Variants in PREX1 observed in about 807,000 individuals in gnomAD.
PREX1 encodes phosphatidylinositol-3,4,5-trisphosphate dependent Rac exchange factor 1.
PREX1 carries 41 observed loss-of-function variants against 198.3 expected under a neutral mutation model. The ratio of observed to expected loss-of-function variants is 0.21; its 90% CI spans 0.16 to 0.27. The LOEUF (loss-of-function observed/expected upper bound fraction) is 0.27. PREX1 is among the 10% of genes least tolerant of loss of function. PREX1 has a pLI of 1.00. For synonymous variants in PREX1, 843 were observed against 887.2 expected, an observed-to-expected ratio of 0.95 and a Z score of 0.89; for missense variants, 1,620 against 2,200.7, an observed-to-expected ratio of 0.74 and a Z score of 5.28.
In PREX1 at chr20:48,734,479, T is replaced by C. The variant is rs2090048218; in HGVS notation, c.519+67A>G. ...CACCATGGGGCAGCATGAAGTCCTC[T>C]TGTGCCCAGATTCCACAAGGATGAG... On this transcript the variant is annotated intron_variant, in intron 4 of 39. Coordinates refer to ENST00000371941, the MANE Select transcript of PREX1 (RefSeq NM_020820.4). 1.0e-5 allele frequency: 14 copies of C among 1,383,690 alleles called. 1 individual carries two copies. In the Admixed American group the frequency reaches 2.4e-4, roughly 23 times the overall value. 85.7% of individuals were successfully genotyped at this position (1,383,690 alleles called of 1,614,324 possible). A position where few individuals can be genotyped will look rare whatever the true frequency, so the allele number is the denominator to read the frequency against.
chr20:48,673,170 G>A (rs2089687284), intron 14 of PREX1, among the ~76,000 whole-genome samples: 1 of 152,168 alleles, frequency 6.6e-6, no homozygotes, highest in Non-Finnish European at 1.5e-5. Context: ...TGTGTGTAAA[G>A]CCCACCCTCT....
chr20:48,819,484 C>T (rs1440805231), intron 1 of PREX1, among the ~76,000 whole-genome samples: 2 of 152,250 alleles, frequency 1.3e-5, no homozygotes, highest in Non-Finnish European at 2.9e-5. Context: ...GCGACCATCC[C>T]TGTCACAAAC....
chr20:48,738,268 A>G (rs2090065629), intron 3 of PREX1, among the ~76,000 whole-genome samples: 3 of 152,208 alleles, frequency 2.0e-5, no homozygotes, highest in Admixed American at 2.0e-4. Context: ...AATGTCTGCC[A>G]CAGGTGCAGG....
intron 10 of PREX1, among the ~76,000 whole-genome samples, chr20:48,687,876 T>C (rs894667249): frequency 6.6e-6 from 1 of 152,170 alleles, no homozygotes; most frequent in African/African-American, 2.4e-5. Context: ...TGGGGCTGTA[T>C]TTCCCAAACA....
At chr20:48,759,721 A>T (rs994374255) in intron 1 of PREX1, among the ~76,000 whole-genome samples, 1 of 152,128 alleles carries the variant, frequency 6.6e-6, no homozygotes, top group Admixed American at 6.5e-5. Flanking sequence ...ATGAGTACAC[A>T]GGATTACAAT....
At chr20:48,847,407 T>C in the PREX1 span, among the ~76,000 whole-genome samples, 3 of 124,472 alleles carry the variant, frequency 2.4e-5, no homozygotes, top group Non-Finnish European at 5.2e-5. Context: ...AAATGACTAA[T>C]AAATAAAAGA....
At chr20:48,722,127 C>A (rs941536570) in intron 5 of PREX1, among the ~76,000 whole-genome samples, 1 of 152,160 alleles carries the variant, frequency 6.6e-6, no homozygotes, top group Non-Finnish European at 1.5e-5. Flanking sequence ...AGTTTAAGGC[C>A]ATGGGAATGT....
At chr20:48,764,132 A>G (rs1485441458) in intron 1 of PREX1, among the ~76,000 whole-genome samples, 1 of 152,138 alleles carries the variant, frequency 6.6e-6, no homozygotes, top group African/African-American at 2.4e-5. Context: ...ATGGGGCCAC[A>G]TCATTAAAGT....
intron 22 of PREX1, 61 bp from the exon 23 acceptor site, chr20:48,651,116 C>A (rs1236805661): frequency 1.1e-4 from 176 of 1,582,428 alleles, no homozygotes; most frequent in Non-Finnish European, 7.7e-6. Context: ...TTAAGCGGTT[C>A]ACCCACAGTG....
At chr20:48,632,224 T>C in intron 35 of PREX1, 53 bp downstream of exon 35, 5 of 1,560,484 alleles carry the variant, frequency 3.2e-6, no homozygotes, top group Non-Finnish European at 4.4e-6. Flanking sequence ...TAATGCCCAC[T>C]CCACGTGGAG....
upstream of PREX1, among the ~76,000 whole-genome samples, chr20:48,828,776 T>C (rs1470568990): frequency 6.6e-6 from 1 of 152,224 alleles, no homozygotes; most frequent in African/African-American, 2.4e-5. Context: ...TGCTCTTGAG[T>C]TATTGATCAA....
chr20:48,679,183 G>A (rs1228420599), intron 13 of PREX1, among the ~76,000 whole-genome samples, 177 bp downstream of exon 13: 1 of 152,214 alleles, frequency 6.6e-6, no homozygotes, highest in Non-Finnish European at 1.5e-5. Context: ...CTACACTGCA[G>A]TGCTTCCCAC....
chr20:48,828,043 G>A (rs1398811102), upstream of PREX1, among the ~76,000 whole-genome samples: 1 of 146,046 alleles, frequency 6.8e-6, no homozygotes, highest in South Asian at 2.1e-4. Flanking sequence ...GCGCGCGGGG[G>A]CCGGGCGAGG....
At chr20:48,653,221 C>T in intron 20 of PREX1, 140 bp downstream of exon 20, 2 of 1,321,122 alleles carry the variant, frequency 1.5e-6, no homozygotes, top group Non-Finnish European at 2.1e-6. Flanking sequence ...AGGCCCAGCT[C>T]CCTCTTGTTG....
intron 4 of PREX1, among the ~76,000 whole-genome samples, chr20:48,728,825 TA>T (rs199997244): frequency 4.0e-5 from 6 of 150,902 alleles, no homozygotes; most frequent in Admixed American, 2.0e-4. Context: ...TATTTTCTTT[TA>T]AAAAAAAACA....
intron 1 of PREX1, among the ~76,000 whole-genome samples, chr20:48,770,930 G>A (rs2090232498): frequency 6.6e-6 from 1 of 152,182 alleles, no homozygotes; most frequent in Middle Eastern, 3.2e-3. Context: ...AGGAGCCTGG[G>A]CATCTGCCTT....
the PREX1 span, among the ~76,000 whole-genome samples, chr20:48,882,375 G>A: frequency 3.3e-5 from 5 of 151,440 alleles, no homozygotes; most frequent in East Asian, 1.9e-4. Context: ...GGTGGCGGGC[G>A]CCTGTAGTCC....
chr20:48,868,339 CA>C, the PREX1 span, among the ~76,000 whole-genome samples: 8 of 151,568 alleles, frequency 5.3e-5, no homozygotes, highest in African/African-American at 1.9e-4. Context: ...TTTTTTGAGA[CA>C]GAGTTTCGCT....
rs143112999 is a variant in PREX1, at chr20:48,655,784, C to T, written c.2124-409G>A. On this transcript the variant is annotated intron_variant, in intron 18 of 39. Transcript: ENST00000371941. ...CATCTCGGTGCTGACCCTAGAAAAA[C>T]ACCCACACAAGTCCCCTAGGAAGGC... Among the ~76,000 whole-genome samples the T allele has an allele frequency of 1.6e-4, 24 of 152,230 alleles. No homozygotes were observed. In the East Asian group the frequency reaches 4.4e-3, roughly 28 times the overall value.
Sources: gnomAD v4.1 joint callset for allele counts (sites outside exome capture counted in the v4.1 genomes callset) on GRCh38, gnomAD v4.1.1 for gene constraint, MANE v1.5 for transcripts, NCBI Gene and HGNC (gene_info 2026-07-23, HGNC 2026-07-21) for gene names.